Variants in KIFAP3 observed in about 807,000 individuals in gnomAD.
KIFAP3 encodes kinesin-associated protein 3.
Under a neutral mutation model 106.5 loss-of-function variants are expected in KIFAP3, and 68 were observed. The ratio of observed to expected loss-of-function variants is 0.64; its 90% CI spans 0.53 to 0.78. The LOEUF (loss-of-function observed/expected upper bound fraction) is 0.78. Among genes scored for constraint, KIFAP3 ranks in the 30% least tolerant of loss-of-function variants. The pLI, the probability that KIFAP3 is intolerant of heterozygous loss-of-function variation, is 0.00. For missense variants in KIFAP3, 780 were observed against 941.8 expected (o/e 0.83, Z 2.25); for synonymous variants, 320 against 311.5 (o/e 1.03, Z -0.29).
chr1:169,934,818 T>C (rs1172926116), intron 19 of KIFAP3, among the ~76,000 whole-genome samples: 1 of 152,100 alleles, frequency 6.6e-6, no homozygotes, highest in East Asian at 1.9e-4. Context: ...AGGGACAAAT[T>C]GATTCAATTT....
chr1:169,980,097 C>A lies in KIFAP3; in HGVS notation c.1798+1875G>T, dbSNP rs557536825. ...TAAACTATCTTTTGTTCAAACTAAC[C>A]ACTTTGAAGGAGGTGGTAATGACTG... On this transcript the variant is annotated intron_variant, in intron 15 of 19. Transcript: ENST00000361580. Among the ~76,000 whole-genome samples, 46 of 152,010 alleles carry A rather than the reference C, an allele frequency of 3.0e-4. 1 individual carries two copies. Among genetic ancestry groups the A allele is most frequent in the South Asian group, 2.5e-3 (12 of 4,818 alleles).
chr1:169,959,471 G>A (rs1339810894), intron 18 of KIFAP3, among the ~76,000 whole-genome samples: 1 of 151,998 alleles, frequency 6.6e-6, no homozygotes, highest in African/African-American at 2.4e-5. Flanking sequence ...CTAAGTTTTG[G>A]TGTATGAAAA....
rs182950061 is a variant in KIFAP3, at chr1:170,014,699, A to T, written c.1183+1763T>A. Among the ~76,000 whole-genome samples, 1,194 of 152,202 alleles carry T rather than the reference A, an allele frequency of 7.8e-3. 11 individuals are homozygous for T. Among genetic ancestry groups the T allele is most frequent in the Admixed American group, 0.011 (165 of 15,284 alleles). ...ATATTCAAGAGAGTAAATTTTTTTT[A>T]AAAAAATTACCTGGTTTGTCAACAA... On this transcript the variant is annotated intron_variant, in intron 10 of 19. Transcript: ENST00000361580.
At chr1:170,073,562 G>A (rs945565260) in intron 1 of KIFAP3, among the ~76,000 whole-genome samples, 90 of 152,286 alleles carry the variant, frequency 5.9e-4, no homozygotes, top group South Asian at 5.6e-3. Context: ...GTATCTCTCA[G>A]AAGGTAACGC....
At chr1:169,959,437 T>C (rs185660982) in intron 18 of KIFAP3, among the ~76,000 whole-genome samples, 2 of 152,308 alleles carry the variant, frequency 1.3e-5, no homozygotes, top group South Asian at 2.1e-4. Flanking sequence ...CATCAGGCTA[T>C]AGATTAAAAA....
rs770617021 is a variant in KIFAP3 at position 170,055,416 on chromosome 1, A to G, written c.53T>C (p.Ile18Thr). The change falls in exon 2 of 20, where the codon ATA (isoleucine) becomes ACA (threonine). Residue 18 changes from isoleucine (I) to threonine (T), a missense_variant. By Grantham distance (89) the Ile-to-Thr change is moderately conservative. This residue lies in a region of KIFAP3 where 588 missense variants were observed against 678.9 expected (regional missense o/e 0.87). Coordinates refer to ENST00000361580, the MANE Select transcript of KIFAP3 (RefSeq NM_014970.4). ...TGCTTTTTCTGATGGATGTACATCTATATTCCCTCCTTTAACTTTCCTATA... is the reference window on the plus strand; with the variant it reads ...TGCTTTTTCTGATGGATGTACATCTGTATTCCCTCCTTTAACTTTCCTATA... ...YLKRKVKGGN[I>T]DVHPSEKALI... 2 of 1,597,722 alleles carry G rather than the reference A, an allele frequency of 1.3e-6. No individual in the cohort carries two copies. The highest frequency in any genetic ancestry group is 1.1e-5 in the South Asian group (1 of 88,652).
In KIFAP3 at chr1:169,972,573, T is replaced by C. The variant is rs2101890162; in HGVS notation, c.1923A>G (p.Leu641=). The change falls in exon 17 of 20, where the codon CTA becomes CTG. Residue 641 remains leucine (L), a synonymous_variant. Coordinates refer to ENST00000361580, the MANE Select transcript of KIFAP3 (RefSeq NM_014970.4). ...ETQAPAYLID[L]MHDKNNEIRK... is the part of the protein sequence containing the mutation. The stretch of plus-strand genomic sequence containing the variant: ...GGATTTCATTATTCTTATCATGCAT[T>C]AGGTCTATGAGATATGCTGGAGCCT... 6.4e-7 allele frequency: 1 copy of C among 1,569,442 alleles called. No individual in the cohort carries two copies. Among genetic ancestry groups the C allele is most frequent in the Non-Finnish European group, 8.7e-7 (1 of 1,143,682 alleles).
At chr1:169,984,536 C>T in intron 12 of KIFAP3, 46 bp downstream of exon 12, 2 of 825,314 alleles carry the variant, frequency 2.4e-6, no homozygotes, top group Admixed American at 2.1e-5. Flanking sequence ...CATCATATAC[C>T]AAATACCATA....
At chr1:170,061,860 G>A (rs981564152) in intron 1 of KIFAP3, among the ~76,000 whole-genome samples, 1 of 152,200 alleles carries the variant, frequency 6.6e-6, no homozygotes, top group African/African-American at 2.4e-5. Flanking sequence ...CATGTCCTTT[G>A]TAGGGACATG....
chr1:170,012,909 G>A (rs1371680833), intron 10 of KIFAP3, among the ~76,000 whole-genome samples: 1 of 152,092 alleles, frequency 6.6e-6, no homozygotes, highest in Non-Finnish European at 1.5e-5. Context: ...TCACTACCAT[G>A]AGAACACTAT....
At chr1:169,921,820 A>C in intron 19 of KIFAP3, 39 bp from the exon 20 acceptor site, 2 of 1,441,804 alleles carry the variant, frequency 1.4e-6, no homozygotes, top group Non-Finnish European at 1.9e-6. Context: ...TATGTTTTTC[A>C]TCACACATCC....
intron 19 of KIFAP3, among the ~76,000 whole-genome samples, chr1:169,947,554 G>GGCTT (rs1664503096): frequency 6.6e-6 from 1 of 151,512 alleles, no homozygotes; most frequent in Non-Finnish European, 1.5e-5. Flanking sequence ...TGCATTCAAT[G>GGCTT]ATATTTTTTT....
intron 10 of KIFAP3, among the ~76,000 whole-genome samples, chr1:170,013,732 G>T (rs1192554096): frequency 6.6e-6 from 1 of 151,980 alleles, no homozygotes; most frequent in African/African-American, 2.4e-5. Flanking sequence ...TAACTTTCAG[G>T]ATCAATTTTC....
intron 10 of KIFAP3, among the ~76,000 whole-genome samples, chr1:170,009,049 A>G (rs961131911): frequency 6.6e-5 from 10 of 152,210 alleles, no homozygotes; most frequent in African/African-American, 2.4e-4. Context: ...GTTCTCACTC[A>G]TAAGTGGGAG....
At chr1:170,084,031 A>T (rs1182195254) in intron 1 of KIFAP3, among the ~76,000 whole-genome samples, 1 of 152,230 alleles carries the variant, frequency 6.6e-6, no homozygotes, top group African/African-American at 2.4e-5. Context: ...ATAATTTGAC[A>T]GGAGAGAAAG....
intron 16 of KIFAP3, among the ~76,000 whole-genome samples, chr1:169,977,441 A>G (rs1666279291): frequency 1.3e-5 from 2 of 152,186 alleles, no homozygotes; most frequent in South Asian, 4.1e-4. Context: ...TCTACAAGGT[A>G]GGAGGTCTTT....
intron 1 of KIFAP3, among the ~76,000 whole-genome samples, chr1:170,082,336 T>G (rs555420352): frequency 6.6e-6 from 1 of 152,292 alleles, no homozygotes; most frequent in South Asian, 2.1e-4. Context: ...ATGGTTTGAT[T>G]CCATTTATAA....
At chr1:169,957,176 G>C (rs1223721848) in intron 18 of KIFAP3, among the ~76,000 whole-genome samples, 1 of 152,054 alleles carries the variant, frequency 6.6e-6, no homozygotes, top group African/African-American at 2.4e-5. Context: ...AATAAATCTA[G>C]GAGTGTCTTA....
intron 9 of KIFAP3, among the ~76,000 whole-genome samples, chr1:170,018,337 C>T (rs916354371): frequency 6.6e-6 from 1 of 151,950 alleles, no homozygotes; most frequent in African/African-American, 2.4e-5. Flanking sequence ...TTTGCAAACC[C>T]CTGCTCTAGA....
Sources: allele counts gnomAD v4.1 joint callset (sites outside exome capture counted in the v4.1 genomes callset), GRCh38; gene constraint gnomAD v4.1.1; regional missense constraint gnomAD v4.1.1; transcripts MANE v1.5; gene names NCBI Gene and HGNC (gene_info 2026-07-23, HGNC 2026-07-21).